The following RSRP1 variants were observed in gnomAD, a reference collection of about 807,000 sequenced individuals.
The protein encoded by RSRP1 is arginine and serine rich protein 1, also known as arginine/serine-rich protein 1.
A neutral mutation model predicts 33.0 loss-of-function variants in RSRP1; 37 were observed. That is an observed-to-expected ratio of 1.12 (90% CI 0.86 to 1.48). RSRP1 has a LOEUF of 1.48. RSRP1 is among the 40% of genes most tolerant of loss of function. The probability of loss-of-function intolerance (pLI) is 0.00; values close to 1 mark genes in which losing one functional copy is unlikely to be tolerated. For synonymous variants in RSRP1, 167 were observed against 158.7 expected, an observed-to-expected ratio of 1.05 and a Z score of -0.40; for missense variants, 402 against 385.3, an observed-to-expected ratio of 1.04 and a Z score of -0.36.
In RSRP1 at chr1:25,318,941, CAG is replaced by C. The variant is rs374525008; in HGVS notation, c.-67+19035_-67+19036del. ...TACCATGTCTGGCCTTAGCTTTTTG[CAG>C]AGTCTTTGTGAAGAAGCAGAGGCGG... On this transcript the variant is annotated intron_variant, in intron 1 of 1. Coordinates refer to the RSRP1 transcript ENST00000561867. Among the ~76,000 whole-genome samples, 184 of 133,264 alleles carry C rather than the reference CAG, an allele frequency of 1.4e-3. 28 individuals are homozygous for C. Among genetic ancestry groups the C allele is most frequent in the African/African-American group, 4.4e-3 (174 of 39,224 alleles). The allele number at this position is 133,264 out of a possible 152,430, so 87.4% of individuals were successfully genotyped here.
rs1338721033 is a variant in RSRP1 at position 25,301,622 on chromosome 1, C to T, written c.-67+36356G>A. On this transcript the variant is annotated intron_variant, in intron 1 of 1. Coordinates refer to the RSRP1 transcript ENST00000561867. ...GTGTTCAACACCTACTATGCTGTAG[C>T]AGTCAGCGTGGTGACAGCCATCTCA... The T allele has an allele frequency of 6.5e-6, 9 of 1,380,194 alleles. 1 individual carries two copies. Among genetic ancestry groups the T allele is most frequent in the Non-Finnish European group, 8.2e-6 (8 of 979,190 alleles). 85.5% of individuals were successfully genotyped at this position (1,380,194 alleles called of 1,614,324 possible). A position where few individuals can be genotyped will look rare whatever the true frequency, so the allele number is the denominator to read the frequency against.
In RSRP1 at chr1:25,309,201, A is replaced by G. The variant is rs1342381686; in HGVS notation, c.-67+28777T>C. Among the ~76,000 whole-genome samples the G allele has an allele frequency of 3.8e-5, 5 of 131,950 alleles. 2 individuals are homozygous for G. The highest frequency in any genetic ancestry group is 2.3e-4 in the South Asian group (1 of 4,394). The allele number at this position is 131,950 out of a possible 152,430, so 86.6% of individuals were successfully genotyped here. ...GATTGAGTCAGATGCTGTGATCAGA[A>G]CCAGGATGGAGCATTTCCCACAAAC... On this transcript the variant is annotated intron_variant, in intron 1 of 1. Coordinates refer to the RSRP1 transcript ENST00000561867.
At chr1:25,301,244 C>A in intron 1 of RSRP1, 1 of 895,700 alleles carries the variant, frequency 1.1e-6, no homozygotes, top group Non-Finnish European at 1.8e-6. Context: ...GTAGTGTTTG[C>A]TAAATTCATA....
intron 1 of RSRP1, among the ~76,000 whole-genome samples, chr1:25,308,599 T>G (rs1026897480): frequency 7.6e-6 from 1 of 131,996 alleles, no homozygotes; most frequent in African/African-American, 2.6e-5. Flanking sequence ...GTTCAAGCTG[T>G]CAAGGAGACA....
At chr1:25,300,884 A>G (rs1643330507) in intron 1 of RSRP1, 1 of 1,355,328 alleles carries the variant, frequency 7.4e-7, no homozygotes, top group Non-Finnish European at 1.0e-6. Flanking sequence ...TCCAAGGACT[A>G]TCAGGGCTTG....
At chr1:25,281,212 GGT>G (rs1308862465) in intron 1 of RSRP1, among the ~76,000 whole-genome samples, 2 of 131,330 alleles carry the variant, frequency 1.5e-5, no homozygotes, top group African/African-American at 5.3e-5. Context: ...TTTGGGGCCT[GGT>G]AGTTAGTTCA....
chr1:25,268,430 A>T (rs1207772055), intron 1 of RSRP1, among the ~76,000 whole-genome samples: 1 of 130,792 alleles, frequency 7.6e-6, no homozygotes, highest in Non-Finnish European at 1.8e-5. Context: ...GAGGAAGGAG[A>T]ATCGCTTGAA....
At chr1:25,249,515 T>C (rs1639711656), upstream of RSRP1, among the ~76,000 whole-genome samples, 1 of 152,130 alleles carries the variant, frequency 6.6e-6, no homozygotes, top group South Asian at 2.1e-4. Flanking sequence ...ATTTTTTTTG[T>C]ATTTTTAGTA....
chr1:25,259,199 A>C (rs1313500076), intron 1 of RSRP1, among the ~76,000 whole-genome samples: 6 of 151,474 alleles, frequency 4.0e-5, no homozygotes, highest in Non-Finnish European at 8.8e-5. Context: ...GTTCAAGCGA[A>C]TCTCCTGCCT....
At chr1:25,308,407 C>A (rs6669352) in intron 1 of RSRP1, among the ~76,000 whole-genome samples, 2,737 of 123,422 alleles carry the variant, frequency 0.022, 434 homozygotes, top group African/African-American at 0.073. Flanking sequence ...TTTGAACAAG[C>A]CCCACAAGTG....
chr1:25,275,232 G>A lies in RSRP1; in HGVS notation c.-66-28203C>T, dbSNP rs1299644115. On this transcript the variant is annotated intron_variant, in intron 1 of 1. Transcript: ENST00000561867. The stretch of plus-strand genomic sequence containing the variant: ...TTGAACCCAGGAGGCAGAGGTTGCT[G>A]AGCTGAGAACATGCCACTGCACTCC... Among the ~76,000 whole-genome samples the A allele has an allele frequency of 5.3e-5, 7 of 132,166 alleles. 2 individuals are homozygous for A. Among genetic ancestry groups the A allele is most frequent in the Non-Finnish European group, 1.3e-4 (7 of 55,848 alleles). The allele number at this position is 132,166 out of a possible 152,430, so 86.7% of individuals were successfully genotyped here.
intron 1 of RSRP1, chr1:25,301,565 T>C: frequency 7.2e-7 from 1 of 1,379,698 alleles, no homozygotes; most frequent in Non-Finnish European, 1.0e-6. Flanking sequence ...AACTCTGCTC[T>C]GCTGAGAAGT....
chr1:25,309,205 G>C lies in RSRP1; in HGVS notation c.-67+28773C>G, dbSNP rs149698492. Reference sequence around the variant, plus strand: ...GAGTCAGATGCTGTGATCAGAACCAGGATGGAGCATTTCCCACAAACTGTG... The same window carrying C: ...GAGTCAGATGCTGTGATCAGAACCACGATGGAGCATTTCCCACAAACTGTG... On this transcript the variant is annotated intron_variant, in intron 1 of 1. Coordinates refer to the RSRP1 transcript ENST00000561867. 2.3e-3 allele frequency among the ~76,000 whole-genome samples: 304 copies of C among 131,896 alleles called. 49 individuals are homozygous for C. Among genetic ancestry groups the C allele is most frequent in the African/African-American group, 7.5e-3 (287 of 38,032 alleles). The allele number at this position is 131,896 out of a possible 152,430, so 86.5% of individuals were successfully genotyped here.
Position 25,242,762 on chromosome 1 carries a change from A to C in RSRP1, c.757-57T>G, listed in dbSNP as rs975241377. Reference sequence around the variant, plus strand: ...AACATACATTGTACACTTTTTTCACAAAAAAAAGTACATTAAATAATCCCA... The same window carrying C: ...AACATACATTGTACACTTTTTTCACCAAAAAAAGTACATTAAATAATCCCA... On this transcript the variant is annotated intron_variant, in intron 4 of 4. Coordinates refer to ENST00000243189, the MANE Select transcript of RSRP1 (RefSeq NM_020317.5). 6.1e-6 allele frequency: 7 copies of C among 1,155,114 alleles called. No homozygotes were observed. The East Asian group carries it at 1.2e-4, about 20-fold the overall frequency. 71.6% of individuals were successfully genotyped at this position (1,155,114 alleles called of 1,614,324 possible).
At chr1:25,301,709 G>T in intron 1 of RSRP1, 1 of 1,370,332 alleles carries the variant, frequency 7.3e-7, no homozygotes, top group Non-Finnish European at 1.0e-6. Context: ...CTGCCCTTGG[G>T]CAGCACTTGG....
rs181213340 is a variant in RSRP1, at chr1:25,307,379, T to G, written c.-67+30599A>C. On this transcript the variant is annotated intron_variant, in intron 1 of 1. Transcript: ENST00000561867. ...AGAGCCCTAGCCATTACTTCCTGGA[T>G]GTTGTGTGAATATTTTCTGGACATG... Among the ~76,000 whole-genome samples the G allele has an allele frequency of 1.6e-3, 213 of 131,616 alleles. 26 individuals are homozygous for G. Among genetic ancestry groups the G allele is most frequent in the African/African-American group, 5.2e-3 (199 of 38,340 alleles). The allele number at this position is 131,616 out of a possible 152,430, so 86.3% of individuals were successfully genotyped here.
chr1:25,246,202 A>C (rs1489145438), intron 2 of RSRP1, among the ~76,000 whole-genome samples: 1 of 152,228 alleles, frequency 6.6e-6, no homozygotes, highest in Non-Finnish European at 1.5e-5. Context: ...CCCACTAAGA[A>C]CAGTCAGCCA....
At position 25,307,877 on chromosome 1, in the gene RSRP1, G is replaced by A. The variant is rs2765554; in HGVS notation, c.-67+30101C>T. On this transcript the variant is annotated intron_variant, in intron 1 of 1. Transcript: ENST00000561867. ...GCTGTGTGAAGCAAGGCGCCTCTGT[G>A]ATGGGTTCCAGTGATGTGTCTGCCA... The A allele has an allele frequency of 9.5e-6, 12 of 1,259,756 alleles. 2 individuals are homozygous for A. The African/African-American group carries it at 1.0e-4, about 11-fold the overall frequency. The allele number at this position is 1,259,756 out of a possible 1,614,324, so 78.0% of individuals were successfully genotyped here.
At chr1:25,329,244 T>TG (rs1158314696) in intron 1 of RSRP1, 1 of 618,116 alleles carries the variant, frequency 1.6e-6, no homozygotes, top group East Asian at 2.8e-5. Flanking sequence ...CTTGTTTTTT[T>TG]TTTTTTTTTT....
Sources: allele counts gnomAD v4.1 joint callset (sites outside exome capture counted in the v4.1 genomes callset), GRCh38; gene constraint gnomAD v4.1.1; transcripts MANE v1.5; gene names NCBI Gene and HGNC (gene_info 2026-07-23, HGNC 2026-07-21).